Variants in ARL17A observed in about 807,000 individuals in gnomAD.
ARL17A encodes the protein ARF like GTPase 17A.
intron 2 of ARL17A, among the ~76,000 whole-genome samples, chr17:46,573,164 G>A (rs1336386859): frequency 1.9e-5 from 1 of 52,716 alleles, no homozygotes; most frequent in Non-Finnish European, 4.4e-5. Context: ...AGAGACACTC[G>A]TTACATTGCA....
intron 3 of ARL17A, among the ~76,000 whole-genome samples, chr17:46,545,060 C>T (rs1373298849): frequency 7.3e-6 from 1 of 137,412 alleles, no homozygotes; most frequent in Non-Finnish European, 1.6e-5. Flanking sequence ...GTGATGTATC[C>T]TTCCTGCCTC....
chr17:46,534,805 G>T (rs1598410597), intron 4 of ARL17A, among the ~76,000 whole-genome samples: 1 of 147,766 alleles, frequency 6.8e-6, no homozygotes, highest in Non-Finnish European at 1.5e-5. Context: ...TCCCGGAGGG[G>T]GCGGCTGGCC....
intron 3 of ARL17A, among the ~76,000 whole-genome samples, chr17:46,558,033 A>G (rs1360127191): frequency 7.2e-6 from 1 of 139,090 alleles, no homozygotes; most frequent in Non-Finnish European, 1.6e-5. Context: ...GAGAAAAGAT[A>G]TCCACAGGGA....
At chr17:46,535,247 G>C (rs1392738358) in intron 4 of ARL17A, among the ~76,000 whole-genome samples, 3 of 148,012 alleles carry the variant, frequency 2.0e-5, no homozygotes, top group African/African-American at 5.2e-5. Flanking sequence ...AGGATCCCTT[G>C]TATGTGATGA....
intron 3 of ARL17A, among the ~76,000 whole-genome samples, chr17:46,539,416 A>AT (rs926200262): frequency 1.9e-3 from 268 of 143,314 alleles, no homozygotes; most frequent in Admixed American, 3.6e-3. Flanking sequence ...AATTGGTCCT[A>AT]TTTTTTTTTA....
At chr17:46,548,500 A>C (rs199913382), downstream of ARL17A, 268,762 of 1,257,516 alleles carry the variant, frequency 0.21, 29,575 homozygotes, top group Non-Finnish European at 0.25. Flanking sequence ...CAGTACACTA[A>C]GTTACATCTT....
At chr17:46,539,212 GAAAAAAAAA>G (rs1166753209) in intron 3 of ARL17A, among the ~76,000 whole-genome samples, 1 of 40,030 alleles carries the variant, frequency 2.5e-5, no homozygotes. Flanking sequence ...CTCCATCTCA[GAAAAAAAAA>G]AAAAAAAAAA....
chr17:46,502,246 A>G, the ARL17A span, among the ~76,000 whole-genome samples: 1 of 151,060 alleles, frequency 6.6e-6, no homozygotes, highest in Non-Finnish European at 1.5e-5. Context: ...AGATTTATTT[A>G]CTTACTGAAC....
In ARL17A at chr17:46,558,479, C is replaced by T. The variant is rs1188246038; in HGVS notation, c.260-849G>A. Reference sequence around the variant, plus strand: ...TCGGTTGACTGCAACCTCTGCCTTCCAGGTTCAAGTGATTCTCCTGCCTCA... The same window carrying T: ...TCGGTTGACTGCAACCTCTGCCTTCTAGGTTCAAGTGATTCTCCTGCCTCA... On this transcript the variant is annotated intron_variant, in intron 3 of 3. Coordinates refer to ENST00000336125, the MANE Select transcript of ARL17A (RefSeq NM_001113738.2). Among the ~76,000 whole-genome samples, 3 of 117,446 alleles carry T rather than the reference C, an allele frequency of 2.6e-5. No homozygotes were observed. The East Asian group carries it at 8.9e-4, about 35-fold the overall frequency. The allele number at this position is 117,446 out of a possible 152,430, so 77.0% of individuals were successfully genotyped here.
At chr17:46,534,775 G>A (rs1390035698) in intron 4 of ARL17A, among the ~76,000 whole-genome samples, 1 of 149,078 alleles carries the variant, frequency 6.7e-6, no homozygotes, top group Non-Finnish European at 1.5e-5. Flanking sequence ...GGGGCAGCCG[G>A]GCAGAGGCGC....
downstream of ARL17A, among the ~76,000 whole-genome samples, chr17:46,551,011 T>C (rs1206682642): frequency 6.7e-6 from 1 of 149,770 alleles, no homozygotes; most frequent in East Asian, 1.9e-4. Flanking sequence ...TCTAAATAGG[T>C]CCAGTTAAAG....
chr17:46,560,553 C>T (rs1382115079), intron 3 of ARL17A: 1 of 54,922 alleles, frequency 1.8e-5, no homozygotes, highest in African/African-American at 7.6e-5. Flanking sequence ...CAGGGGTCCA[C>T]ATGGACTTAA....
chr17:46,500,921 T>C, the ARL17A span, among the ~76,000 whole-genome samples: 1 of 151,168 alleles, frequency 6.6e-6, no homozygotes. Context: ...GGCTCATGCC[T>C]GTAATCCCAG....
At chr17:46,543,785 A>G (rs2055858542) in intron 3 of ARL17A, among the ~76,000 whole-genome samples, 1 of 150,986 alleles carries the variant, frequency 6.6e-6, no homozygotes, top group Admixed American at 6.6e-5. Context: ...TAAGGCTTAA[A>G]GGAAAAAAAG....
At chr17:46,551,102 A>T (rs1254889096), downstream of ARL17A, among the ~76,000 whole-genome samples, 2 of 149,820 alleles carry the variant, frequency 1.3e-5, no homozygotes, top group African/African-American at 5.1e-5. Flanking sequence ...CTCATACTCT[A>T]GCCCTCCTGA....
At chr17:46,541,594 T>C (rs1396711649) in intron 3 of ARL17A, among the ~76,000 whole-genome samples, 1 of 150,906 alleles carries the variant, frequency 6.6e-6, no homozygotes. Flanking sequence ...ACCATCCATG[T>C]TGTTGCACCT....
At chr17:46,542,168 G>GT (rs1263887298) in intron 3 of ARL17A, among the ~76,000 whole-genome samples, 1 of 139,022 alleles carries the variant, frequency 7.2e-6, no homozygotes, top group Non-Finnish European at 1.5e-5. Context: ...AAGAGCAGAA[G>GT]TTTTTAATTT....
At chr17:46,549,100 G>T (rs2056529095), downstream of ARL17A, 6 of 1,611,846 alleles carry the variant, frequency 3.7e-6, no homozygotes, top group East Asian at 1.3e-4. Context: ...AACACCCAAA[G>T]TCAAAAAGAG....
chr17:46,529,571 G>T (rs1231256020), intron 4 of ARL17A, among the ~76,000 whole-genome samples: 1 of 76,148 alleles, frequency 1.3e-5, no homozygotes, highest in Non-Finnish European at 3.5e-5. Flanking sequence ...ACTTTAAGAG[G>T]CCAAGACAGG....
Sources: allele counts gnomAD v4.1 joint callset (sites outside exome capture counted in the v4.1 genomes callset), GRCh38; gene constraint gnomAD v4.1.1; transcripts MANE v1.5; gene names NCBI Gene and HGNC (gene_info 2026-07-23, HGNC 2026-07-21).